Variants in PDGFRL observed in about 807,000 individuals in gnomAD.
PDGFRL encodes platelet derived growth factor receptor like, also known as platelet-derived growth factor receptor-like protein.
A neutral mutation model predicts 37.2 loss-of-function variants in PDGFRL; 46 were observed. The ratio of observed to expected loss-of-function variants is 1.24; its 90% CI spans 0.98 to 1.58. PDGFRL has a LOEUF of 1.58. PDGFRL is among the 40% of genes most tolerant of loss of function. PDGFRL has a pLI of 0.00. For synonymous variants in PDGFRL, 251 were observed against 184.3 expected, an observed-to-expected ratio of 1.36 and a Z score of -2.93; for missense variants, 692 against 467.6, an observed-to-expected ratio of 1.48 and a Z score of -4.43.
intron 2 of PDGFRL, among the ~76,000 whole-genome samples, chr8:17,614,699 C>T (rs1585320638): frequency 6.6e-6 from 1 of 152,224 alleles, no homozygotes; most frequent in African/African-American, 2.4e-5. Context: ...CCACCTCAGC[C>T]TCCCAAGTAG....
At chr8:17,640,002 G>A (rs561219718) in intron 5 of PDGFRL, among the ~76,000 whole-genome samples, 5 of 152,158 alleles carry the variant, frequency 3.3e-5, no homozygotes, top group East Asian at 3.9e-4. Flanking sequence ...GTCTTTGTTC[G>A]ATTGGGTTAA....
At chr8:17,611,556 G>A (rs1489712962) in intron 2 of PDGFRL, among the ~76,000 whole-genome samples, 1 of 152,146 alleles carries the variant, frequency 6.6e-6, no homozygotes, top group African/African-American at 2.4e-5. Flanking sequence ...CGCTTCAGAG[G>A]GAAAGAGATG....
At chr8:17,613,360 C>G (rs763298116) in intron 2 of PDGFRL, among the ~76,000 whole-genome samples, 13 of 152,172 alleles carry the variant, frequency 8.5e-5, no homozygotes, top group Admixed American at 2.6e-4. Context: ...TTGTAAAGGA[C>G]CTGGATATGC....
Position 17,613,353 on chromosome 8 carries a change from T to C in PDGFRL, c.354-7698T>C, listed in dbSNP as rs535084308. Among the ~76,000 whole-genome samples, 13 of 152,202 alleles carry C rather than the reference T, an allele frequency of 8.5e-5. No homozygotes were observed. The East Asian group carries it at 2.3e-3, about 27-fold the overall frequency. On this transcript the variant is annotated intron_variant, in intron 2 of 5. Coordinates refer to ENST00000251630, the MANE Select transcript of PDGFRL (RefSeq NM_001372073.1). The stretch of plus-strand genomic sequence containing the variant: ...AGGAGGAAGAGGAGCTTTTCCTTTG[T>C]AAAGGACCTGGATATGCTGGACAGA...
At chr8:17,598,370 GAAAGAAT>G (rs1452482822) in intron 2 of PDGFRL, among the ~76,000 whole-genome samples, 4 of 152,114 alleles carry the variant, frequency 2.6e-5, no homozygotes, top group Non-Finnish European at 5.9e-5. Flanking sequence ...CTTCCCTCCT[GAAAGAAT>G]AAACCCCTTG....
chr8:17,603,190 GC>G (rs1804202303), intron 2 of PDGFRL, among the ~76,000 whole-genome samples: 1 of 152,096 alleles, frequency 6.6e-6, no homozygotes, highest in South Asian at 2.1e-4. Flanking sequence ...TGCGATGTTG[GC>G]CAGGCTTGTG....
intron 2 of PDGFRL, among the ~76,000 whole-genome samples, chr8:17,602,657 A>G (rs1354230711): frequency 6.6e-6 from 1 of 152,172 alleles, no homozygotes; most frequent in Admixed American, 6.5e-5. Context: ...CAGAGTGTGA[A>G]AACCTGATAC....
intron 2 of PDGFRL, among the ~76,000 whole-genome samples, chr8:17,592,880 C>T (rs975344177): frequency 3.3e-5 from 5 of 151,794 alleles, no homozygotes; most frequent in African/African-American, 1.2e-4. Flanking sequence ...TGACAAGCCT[C>T]CCTGATACAT....
rs1805176714 is a variant in PDGFRL, at chr8:17,642,852, G to C, written c.*51G>C. 2 of 1,218,104 alleles carry C rather than the reference G, an allele frequency of 1.6e-6. No homozygotes were observed. The highest frequency in any genetic ancestry group is 2.4e-6 in the Non-Finnish European group (2 of 833,248). 75.5% of individuals were successfully genotyped at this position (1,218,104 alleles called of 1,614,324 possible). A position where few individuals can be genotyped will look rare whatever the true frequency, so the allele number is the denominator to read the frequency against. On this transcript the variant is annotated 3_prime_UTR_variant, in exon 6 of 6. Transcript: ENST00000251630. ...TATGGAAAGCCCATTTGTGTACACA[G>C]TCAGCTTTGGGGTTCCTTTTATTAG...
At chr8:17,582,397 C>T (rs1239901402) in intron 1 of PDGFRL, among the ~76,000 whole-genome samples, 3 of 152,010 alleles carry the variant, frequency 2.0e-5, no homozygotes, top group Non-Finnish European at 4.4e-5. Flanking sequence ...GCCTGGGCAA[C>T]ATGGTGAAAC....
chr8:17,582,418 TTACAA>T (rs1261748746), intron 1 of PDGFRL, among the ~76,000 whole-genome samples: 4 of 151,838 alleles, frequency 2.6e-5, no homozygotes. Context: ...CCTGTCTCTA[TTACAA>T]TACAAGAAGT....
chr8:17,639,559 T>C (rs1341646227), intron 5 of PDGFRL, among the ~76,000 whole-genome samples: 3 of 152,160 alleles, frequency 2.0e-5, no homozygotes, highest in Admixed American at 2.0e-4. Context: ...GTACACAAAA[T>C]TCTTAGATGA....
At chr8:17,619,533 C>T (rs996364249) in intron 2 of PDGFRL, among the ~76,000 whole-genome samples, 3 of 152,172 alleles carry the variant, frequency 2.0e-5, no homozygotes, top group Non-Finnish European at 4.4e-5. Flanking sequence ...CCTTTAAATA[C>T]TTTATTAGAA....
intron 2 of PDGFRL, among the ~76,000 whole-genome samples, chr8:17,617,459 C>T (rs1409599864): frequency 6.6e-6 from 1 of 152,184 alleles, no homozygotes; most frequent in Non-Finnish European, 1.5e-5. Context: ...CAGACACTGG[C>T]TCTGAAGGGC....
At chr8:17,600,815 CA>C (rs72227622) in intron 2 of PDGFRL, among the ~76,000 whole-genome samples, 2 of 144,236 alleles carry the variant, frequency 1.4e-5, no homozygotes, top group Non-Finnish European at 3.0e-5. Context: ...AAAAAAAAAA[CA>C]AAAAAACCTC....
intron 2 of PDGFRL, among the ~76,000 whole-genome samples, chr8:17,607,205 C>T (rs1271871504): frequency 5.9e-5 from 9 of 152,096 alleles, no homozygotes; most frequent in African/African-American, 1.9e-4. Flanking sequence ...CCCCTACAAA[C>T]TCTTTGTGTC....
intron 3 of PDGFRL, 62 bp downstream of exon 3, chr8:17,621,264 G>T (rs1197783047): frequency 2.0e-5 from 23 of 1,165,242 alleles, no homozygotes; most frequent in African/African-American, 1.5e-5. Flanking sequence ...AGAGCTGAAG[G>T]TTCCCCCACT....
intron 1 of PDGFRL, among the ~76,000 whole-genome samples, chr8:17,587,094 C>T (rs77254070): frequency 1.7e-3 from 264 of 152,182 alleles, no homozygotes; most frequent in Non-Finnish European, 3.0e-3. Context: ...ATTCCAATAC[C>T]GTCTGGGTAT....
chr8:17,622,084 A>G (rs1804647281), intron 3 of PDGFRL, among the ~76,000 whole-genome samples: 1 of 152,152 alleles, frequency 6.6e-6, no homozygotes, highest in Non-Finnish European at 1.5e-5. Context: ...CTGCCTCAAA[A>G]TGTTCAGGTC....
Sources: gnomAD v4.1 joint callset for allele counts (sites outside exome capture counted in the v4.1 genomes callset) on GRCh38, gnomAD v4.1.1 for gene constraint, MANE v1.5 for transcripts, NCBI Gene and HGNC (gene_info 2026-07-23, HGNC 2026-07-21) for gene names.